KCNQ5: variants seen among roughly 807,000 people sequenced by gnomAD.
KCNQ5 encodes potassium voltage-gated channel subfamily KQT member 5.
Under a neutral mutation model 98.2 loss-of-function variants are expected in KCNQ5, and 30 were observed. The ratio of observed to expected loss-of-function variants is 0.31; its 90% CI spans 0.23 to 0.41. KCNQ5 has a LOEUF of 0.41. KCNQ5 is among the 10% of genes least tolerant of loss of function. The probability of loss-of-function intolerance (pLI) is 1.00; values close to 1 mark genes in which losing one functional copy is unlikely to be tolerated. For synonymous variants in KCNQ5, 458 were observed against 449.4 expected (o/e 1.02, Z -0.24); for missense variants, 835 against 1,182.5 (o/e 0.71, Z 4.31).
At chr6:72,846,519 A>G (rs1777029432) in intron 1 of KCNQ5, among the ~76,000 whole-genome samples, 2 of 151,934 alleles carry the variant, frequency 1.3e-5, no homozygotes. Context: ...ACAGGGGAAA[A>G]AAAAAAAAAA....
At chr6:73,061,824 T>C in intron 3 of KCNQ5, among the ~76,000 whole-genome samples, 1 of 152,154 alleles carries the variant, frequency 6.6e-6, no homozygotes, top group Non-Finnish European at 1.5e-5. Flanking sequence ...ACTCCATAAC[T>C]CTTAGTGGTA....
intron 1 of KCNQ5, among the ~76,000 whole-genome samples, chr6:72,970,405 C>T (rs1582111483): frequency 1.3e-5 from 2 of 152,182 alleles, no homozygotes; most frequent in African/African-American, 4.8e-5. Flanking sequence ...AGTTTGATTA[C>T]TACCATGTGT....
intron 1 of KCNQ5, among the ~76,000 whole-genome samples, chr6:72,737,827 G>A (rs1045535858): frequency 1.3e-5 from 2 of 152,028 alleles, no homozygotes; most frequent in Admixed American, 6.6e-5. Context: ...GAGGTAGAAG[G>A]ACAGAGGAGA....
In KCNQ5 at chr6:73,123,883, C is replaced by T. The variant is rs113998156; in HGVS notation, c.1221-603C>T. Among the ~76,000 whole-genome samples the T allele has an allele frequency of 4.1e-3, 629 of 152,240 alleles. 2 individuals are homozygous for T. Among genetic ancestry groups the T allele is most frequent in the African/African-American group, 0.015 (606 of 41,542 alleles). On this transcript the variant is annotated intron_variant, in intron 8 of 13. Transcript: ENST00000370398. ...GGTGCCTGCCCAAAGGCACACAGCT[C>T]GTTTGCAAAGAGTACAGACCCTACA...
intron 10 of KCNQ5, among the ~76,000 whole-genome samples, chr6:73,149,320 G>C (rs990065074): frequency 6.6e-6 from 1 of 152,152 alleles, no homozygotes; most frequent in Non-Finnish European, 1.5e-5. Flanking sequence ...AAGATTTTTG[G>C]TTTTACCAAA....
In KCNQ5 at chr6:72,986,742, T is replaced by G. The variant is rs1768796668; in HGVS notation, c.399-17166T>G. 4.8e-6 allele frequency: 7 copies of G among 1,463,948 alleles called. No homozygotes were observed. In the South Asian group the frequency reaches 6.9e-5, roughly 14 times the overall value. The allele number at this position is 1,463,948 out of a possible 1,614,324, so 90.7% of individuals were successfully genotyped here. A position where few individuals can be genotyped will look rare whatever the true frequency, so the allele number is the denominator to read the frequency against. On this transcript the variant is annotated intron_variant, in intron 1 of 13. Transcript: ENST00000370398. Reference sequence around the variant, plus strand: ...CCAGCCATGTCCCATGCCTCTGGGGTGAAAACCTCCCCAGACCCCAGACAG... The same window carrying G: ...CCAGCCATGTCCCATGCCTCTGGGGGGAAAACCTCCCCAGACCCCAGACAG...
intron 11 of KCNQ5, among the ~76,000 whole-genome samples, chr6:73,180,000 A>G (rs199685924): frequency 1.8e-5 from 1 of 57,052 alleles, no homozygotes; most frequent in Non-Finnish European, 2.9e-5. Context: ...ATGTTTGATG[A>G]ATGAATGAAT....
intron 1 of KCNQ5, among the ~76,000 whole-genome samples, chr6:72,681,346 C>G (rs1383831804): frequency 6.6e-6 from 1 of 152,086 alleles, no homozygotes; most frequent in Non-Finnish European, 1.5e-5. Context: ...CTCTGTTGGG[C>G]TCTTTGCATC....
chr6:72,639,593 T>A (rs2098926113), intron 1 of KCNQ5, among the ~76,000 whole-genome samples: 1 of 152,110 alleles, frequency 6.6e-6, no homozygotes. Context: ...AGGGTGATAT[T>A]TAGAGAGCCT....
In KCNQ5 at chr6:72,709,725, G is replaced by C. The variant is rs147022376; in HGVS notation, c.398+87138G>C. On this transcript the variant is annotated intron_variant, in intron 1 of 13. Coordinates refer to ENST00000370398, the MANE Select transcript of KCNQ5 (RefSeq NM_019842.4). ...TGCCAAGTCACTGGTGAGCATAACA[G>C]ACATTCTTCCTGTACTACAGAGATT... is the stretch of plus-strand genomic sequence containing the variant. Among the ~76,000 whole-genome samples the C allele has an allele frequency of 1.9e-4, 29 of 152,186 alleles. No homozygotes were observed. In the East Asian group the frequency reaches 5.2e-3, roughly 27 times the overall value.
chr6:73,060,145 A>G (rs1772716539), intron 3 of KCNQ5, among the ~76,000 whole-genome samples: 1 of 152,094 alleles, frequency 6.6e-6, no homozygotes, highest in Non-Finnish European at 1.5e-5. Flanking sequence ...CCTTAATTCA[A>G]CACCTCTCAG....
At chr6:72,624,678 A>G (rs2098917163) in intron 1 of KCNQ5, among the ~76,000 whole-genome samples, 3 of 152,338 alleles carry the variant, frequency 2.0e-5, no homozygotes. Flanking sequence ...TAAATTGTGT[A>G]CTTAATAGAT....
intron 1 of KCNQ5, among the ~76,000 whole-genome samples, chr6:72,931,593 G>A (rs958482678): frequency 5.9e-5 from 9 of 152,186 alleles, no homozygotes; most frequent in African/African-American, 1.7e-4. Flanking sequence ...TAAATCCTAA[G>A]TCAGCAGGTG....
At chr6:72,860,586 A>G (rs1446321079) in intron 1 of KCNQ5, among the ~76,000 whole-genome samples, 1 of 152,132 alleles carries the variant, frequency 6.6e-6, no homozygotes, top group Non-Finnish European at 1.5e-5. Context: ...CACAGTGTAT[A>G]TTATTTTTCT....
At chr6:72,869,789 G>T (rs947479508) in intron 1 of KCNQ5, among the ~76,000 whole-genome samples, 5 of 152,208 alleles carry the variant, frequency 3.3e-5, no homozygotes, top group Admixed American at 3.3e-4. Flanking sequence ...TTCCCCACAG[G>T]GGGAGCGAGG....
chr6:73,162,406 A>G (rs1008539419), intron 10 of KCNQ5, among the ~76,000 whole-genome samples: 1 of 152,244 alleles, frequency 6.6e-6, no homozygotes, highest in Non-Finnish European at 1.5e-5. Context: ...GAGGATCCCA[A>G]GAGGATCCCT....
intron 5 of KCNQ5, among the ~76,000 whole-genome samples, chr6:73,091,515 A>T (rs1449736898): frequency 6.6e-6 from 1 of 152,134 alleles, no homozygotes; most frequent in Non-Finnish European, 1.5e-5. Flanking sequence ...AAAGAAAAAG[A>T]AAAGGGTGTC....
intron 1 of KCNQ5, among the ~76,000 whole-genome samples, chr6:72,698,042 C>T (rs1477688055): frequency 1.3e-5 from 2 of 151,966 alleles, no homozygotes; most frequent in African/African-American, 4.8e-5. Flanking sequence ...ATAGTGAGAC[C>T]CTTTCTCTAC....
intron 1 of KCNQ5, among the ~76,000 whole-genome samples, chr6:72,840,517 T>A (rs778227341): frequency 1.9e-4 from 29 of 152,288 alleles, no homozygotes; most frequent in Admixed American, 7.8e-4. Context: ...ACCCTCAGTA[T>A]AAAACTGTGA....
Sources: allele counts gnomAD v4.1 joint callset (sites outside exome capture counted in the v4.1 genomes callset), GRCh38; gene constraint gnomAD v4.1.1; transcripts MANE v1.5; gene names NCBI Gene and HGNC (gene_info 2026-07-23, HGNC 2026-07-21).